The following RORA variants were observed in gnomAD, a reference collection of about 807,000 sequenced individuals.
The protein encoded by RORA is nuclear receptor ROR-alpha.
Under a neutral mutation model 69.5 loss-of-function variants are expected in RORA, and 7 were observed. The observed-to-expected ratio is 0.10, with a 90% CI of 0.06 to 0.19. RORA has a LOEUF of 0.19. Among genes scored for constraint, RORA ranks in the 10% least tolerant of loss-of-function variants. The pLI, the probability that RORA is intolerant of heterozygous loss-of-function variation, is 1.00. For missense variants in RORA, 457 were observed against 663.0 expected, an observed-to-expected ratio of 0.69 and a Z score of 3.41; for synonymous variants, 261 against 240.8, an observed-to-expected ratio of 1.08 and a Z score of -0.78.
intron 1 of RORA, among the ~76,000 whole-genome samples, chr15:60,784,482 T>A (rs2072308691): frequency 6.6e-6 from 1 of 152,218 alleles, no homozygotes; most frequent in Non-Finnish European, 1.5e-5. Context: ...TTTGATTCCA[T>A]CACTGTGTCT....
chr15:60,519,562 G>C (rs1433011355), intron 3 of RORA, among the ~76,000 whole-genome samples: 1 of 152,158 alleles, frequency 6.6e-6, no homozygotes, highest in Non-Finnish European at 1.5e-5. Context: ...AAATTAGGCA[G>C]TGTAAAAAAC....
intron 2 of RORA, among the ~76,000 whole-genome samples, chr15:60,611,589 A>AAAAAAAAAAAAT (rs2069091475): frequency 6.8e-6 from 1 of 146,392 alleles, no homozygotes; most frequent in Non-Finnish European, 1.5e-5. Flanking sequence ...AAAAAAAAAA[A>AAAAAAAAAAAAT]GGTGGAGTCT....
chr15:60,588,103 T>C (rs2068388228), intron 2 of RORA, among the ~76,000 whole-genome samples: 2 of 152,204 alleles, frequency 1.3e-5, no homozygotes. Flanking sequence ...TCAGAGGGTC[T>C]GTATGTGGTC....
In RORA at chr15:61,098,912, C is replaced by T. The variant is rs143576159; in HGVS notation, c.166+130141G>A. On this transcript the variant is annotated intron_variant, in intron 1 of 10. Transcript: ENST00000335670. ...AAGTCTTTTGTTTAAAATTCTCTTG[C>T]GTGTTCTACTGAATACTTCCAAAGG... 1.4e-4 allele frequency among the ~76,000 whole-genome samples: 21 copies of T among 152,282 alleles called. No individual in the cohort carries two copies. The South Asian group carries it at 3.9e-3, about 29-fold the overall frequency.
chr15:60,767,666 G>A (rs1429643945), intron 1 of RORA, among the ~76,000 whole-genome samples: 1 of 152,130 alleles, frequency 6.6e-6, no homozygotes, highest in Non-Finnish European at 1.5e-5. Context: ...CACTGTACCC[G>A]AGGTATTCTT....
intron 1 of RORA, among the ~76,000 whole-genome samples, chr15:60,728,792 G>A (rs969557278): frequency 3.3e-5 from 5 of 152,152 alleles, no homozygotes; most frequent in African/African-American, 9.7e-5. Flanking sequence ...AAAACTTAAA[G>A]TGTAGTAGGG....
At chr15:60,902,443 T>C (rs537064520) in intron 1 of RORA, among the ~76,000 whole-genome samples, 1 of 152,172 alleles carries the variant, frequency 6.6e-6, no homozygotes, top group East Asian at 1.9e-4. Flanking sequence ...AAAGGAACTC[T>C]CCATTTACAC....
At chr15:60,766,609 G>GCACT (rs1433897660) in intron 1 of RORA, among the ~76,000 whole-genome samples, 3 of 151,546 alleles carry the variant, frequency 2.0e-5, no homozygotes, top group Non-Finnish European at 4.4e-5. Context: ...TGTGATCTCT[G>GCACT]CACTCGCCTA....
At chr15:60,835,543 C>T (rs937014640) in intron 1 of RORA, among the ~76,000 whole-genome samples, 2 of 152,292 alleles carry the variant, frequency 1.3e-5, no homozygotes, top group Admixed American at 1.3e-4. Context: ...CCAGTGAAAA[C>T]GACCTGTGCC....
chr15:60,649,173 C>G (rs767354043), intron 2 of RORA, among the ~76,000 whole-genome samples: 1 of 151,872 alleles, frequency 6.6e-6, no homozygotes, highest in Non-Finnish European at 1.5e-5. Context: ...GACTCACATA[C>G]ACTGGCTGAA....
At chr15:60,692,340 A>C (rs1249992946) in intron 1 of RORA, among the ~76,000 whole-genome samples, 1 of 152,254 alleles carries the variant, frequency 6.6e-6, no homozygotes, top group Non-Finnish European at 1.5e-5. Flanking sequence ...CTTCCTAAAT[A>C]AAACAATGCA....
At chr15:60,940,075 G>C (rs1892646222) in intron 1 of RORA, among the ~76,000 whole-genome samples, 1 of 152,168 alleles carries the variant, frequency 6.6e-6, no homozygotes, top group Non-Finnish European at 1.5e-5. Flanking sequence ...GTCACACATG[G>C]GAGGATCAGG....
intron 1 of RORA, among the ~76,000 whole-genome samples, chr15:61,048,037 A>G (rs1164971857): frequency 6.6e-6 from 1 of 152,204 alleles, no homozygotes; most frequent in Non-Finnish European, 1.5e-5. Context: ...GGAAAAGAAA[A>G]CACACACCTA....
chr15:61,160,305 T>C (rs2079483474), intron 1 of RORA, among the ~76,000 whole-genome samples: 2 of 152,208 alleles, frequency 1.3e-5, no homozygotes, highest in African/African-American at 2.4e-5. Context: ...ATTAGGTCTA[T>C]AGCCTACAGT....
intron 1 of RORA, among the ~76,000 whole-genome samples, chr15:60,974,502 G>A (rs1893820376): frequency 6.6e-6 from 1 of 152,170 alleles, no homozygotes; most frequent in African/African-American, 2.4e-5. Context: ...TTAGCTCCCT[G>A]GGGTGATAAT....
intron 3 of RORA, among the ~76,000 whole-genome samples, chr15:60,523,050 C>CCA (rs1555426062): frequency 1.2e-3 from 174 of 148,412 alleles, no homozygotes; most frequent in African/African-American, 4.0e-3. Flanking sequence ...AAAAAAAACA[C>CCA]AAAAAAAAAA....
chr15:60,797,734 G>A (rs745662925), intron 1 of RORA, among the ~76,000 whole-genome samples: 14 of 151,998 alleles, frequency 9.2e-5, no homozygotes, highest in South Asian at 2.1e-4. Flanking sequence ...ACCAGCACGC[G>A]GTTGACAAGA....
chr15:61,139,210 T>C (rs1364072999), intron 1 of RORA, among the ~76,000 whole-genome samples: 3 of 152,094 alleles, frequency 2.0e-5, no homozygotes, highest in African/African-American at 4.8e-5. Flanking sequence ...AATGCTAATA[T>C]GCACTGAGAA....
chr15:60,658,582 A>G (rs1348802356), intron 2 of RORA, among the ~76,000 whole-genome samples: 2 of 152,104 alleles, frequency 1.3e-5, no homozygotes, highest in Non-Finnish European at 2.9e-5. Flanking sequence ...TTTCACATGT[A>G]TCTGCACAAC....
Sources: allele counts gnomAD v4.1 joint callset (sites outside exome capture counted in the v4.1 genomes callset), GRCh38; gene constraint gnomAD v4.1.1; transcripts MANE v1.5; gene names NCBI Gene and HGNC (gene_info 2026-07-23, HGNC 2026-07-21).